SCHIP1: variants seen among roughly 807,000 people sequenced by gnomAD.
SCHIP1 encodes schwannomin-interacting protein 1.
SCHIP1 carries 8 observed loss-of-function variants against 29.7 expected under a neutral mutation model. The ratio of observed to expected loss-of-function variants is 0.27; its 90% CI spans 0.16 to 0.49. The LOEUF is 0.49. SCHIP1 is among the 20% of genes least tolerant of loss of function. SCHIP1 has a pLI of 0.99. For synonymous variants in SCHIP1, 76 were observed against 94.9 expected, an observed-to-expected ratio of 0.80 and a Z score of 1.16; for missense variants, 193 against 294.6, an observed-to-expected ratio of 0.66 and a Z score of 2.52.
At chr3:159,510,885 G>T in the SCHIP1 span, among the ~76,000 whole-genome samples, 1 of 152,210 alleles carries the variant, frequency 6.6e-6, no homozygotes, top group Non-Finnish European at 1.5e-5. Context: ...CCTACTTGGG[G>T]GTGCCTCCCA....
chr3:159,443,576 T>C, the SCHIP1 span, among the ~76,000 whole-genome samples: 80 of 152,214 alleles, frequency 5.3e-4, no homozygotes, highest in African/African-American at 1.9e-3. Flanking sequence ...TGGTGCCATC[T>C]CGGCTTACTG....
At chr3:159,494,987 C>G in the SCHIP1 span, among the ~76,000 whole-genome samples, 4 of 152,274 alleles carry the variant, frequency 2.6e-5, no homozygotes, top group South Asian at 4.1e-4. Context: ...AGCATATAAA[C>G]AGAACCAATG....
chr3:159,615,594 T>C, the SCHIP1 span, among the ~76,000 whole-genome samples: 14 of 152,176 alleles, frequency 9.2e-5, no homozygotes, highest in African/African-American at 3.4e-4. Flanking sequence ...GACCCTTACC[T>C]GCCTCAGCCA....
At chr3:159,361,459 C>T in the SCHIP1 span, among the ~76,000 whole-genome samples, 1 of 151,872 alleles carries the variant, frequency 6.6e-6, no homozygotes, top group Admixed American at 6.6e-5. Context: ...AGATGAGATT[C>T]GAAAATAATT....
the SCHIP1 span, among the ~76,000 whole-genome samples, chr3:159,656,886 G>C: frequency 2.6e-5 from 4 of 152,114 alleles, no homozygotes; most frequent in Admixed American, 2.6e-4. Flanking sequence ...CAGGTCTTCT[G>C]ACTCCCCTCC....
the SCHIP1 span, among the ~76,000 whole-genome samples, chr3:159,492,532 G>A: frequency 7.9e-5 from 12 of 152,100 alleles, no homozygotes; most frequent in African/African-American, 2.7e-4. Flanking sequence ...GAAATGAAGC[G>A]AGAAGGGAAG....
chr3:159,540,265 C>T, the SCHIP1 span, among the ~76,000 whole-genome samples: 1 of 152,084 alleles, frequency 6.6e-6, no homozygotes, highest in African/African-American at 2.4e-5. Context: ...GGCTCAGTCA[C>T]TGCTAAGAGT....
the SCHIP1 span, among the ~76,000 whole-genome samples, chr3:159,421,594 G>T: frequency 6.6e-6 from 1 of 152,212 alleles, no homozygotes; most frequent in Non-Finnish European, 1.5e-5. Flanking sequence ...AATGCCAGGG[G>T]AGGTCTTTTC....
the SCHIP1 span, among the ~76,000 whole-genome samples, chr3:159,756,504 G>A: frequency 6.6e-6 from 1 of 152,184 alleles, no homozygotes; most frequent in Non-Finnish European, 1.5e-5. Context: ...CCCTAGGCTT[G>A]CAGGTCTATG....
chr3:159,392,071 G>A, the SCHIP1 span, among the ~76,000 whole-genome samples: 9 of 152,100 alleles, frequency 5.9e-5, no homozygotes, highest in African/African-American at 2.2e-4. Flanking sequence ...AAGACTTTTT[G>A]GTGTTTGTTT....
the SCHIP1 span, among the ~76,000 whole-genome samples, chr3:159,466,770 G>A: frequency 4.2e-4 from 64 of 152,190 alleles, no homozygotes; most frequent in African/African-American, 1.3e-3. Context: ...GGAGTGATGA[G>A]CATTACAACT....
the SCHIP1 span, among the ~76,000 whole-genome samples, chr3:159,496,581 C>A: frequency 6.6e-6 from 1 of 152,114 alleles, no homozygotes; most frequent in East Asian, 1.9e-4. Context: ...GTTAGAATGG[C>A]AATCATTAAA....
the SCHIP1 span, among the ~76,000 whole-genome samples, chr3:159,674,519 T>C: frequency 1.4e-5 from 2 of 147,672 alleles, no homozygotes; most frequent in Non-Finnish European, 3.0e-5. Context: ...AGGTTAGACA[T>C]GTGGCAGCGG....
chr3:159,684,329 G>A, the SCHIP1 span, among the ~76,000 whole-genome samples: 21 of 152,228 alleles, frequency 1.4e-4, no homozygotes, highest in Non-Finnish European at 3.1e-4. Context: ...CCTAATAAGG[G>A]CTCTGGCTTA....
At chr3:159,677,650 C>T in the SCHIP1 span, among the ~76,000 whole-genome samples, 2 of 152,302 alleles carry the variant, frequency 1.3e-5, no homozygotes, top group African/African-American at 4.8e-5. Context: ...TCCATCTGTA[C>T]CCCTGTCCTG....
the SCHIP1 span, among the ~76,000 whole-genome samples, chr3:159,714,366 T>A: frequency 6.6e-6 from 1 of 152,282 alleles, no homozygotes; most frequent in South Asian, 2.1e-4. Context: ...GGTACCGGGT[T>A]CACTGGGGCT....
chr3:159,551,115 G>T, the SCHIP1 span, among the ~76,000 whole-genome samples: 1 of 152,050 alleles, frequency 6.6e-6, no homozygotes, highest in African/African-American at 2.4e-5. Flanking sequence ...CAGATGGATG[G>T]CTAAACATTT....
the SCHIP1 span, among the ~76,000 whole-genome samples, chr3:159,651,750 A>T: frequency 6.6e-6 from 1 of 152,172 alleles, no homozygotes; most frequent in African/African-American, 2.4e-5. Flanking sequence ...GCATCAAGTA[A>T]GTTTGGAAGC....
At chr3:159,408,177 A>G in the SCHIP1 span, among the ~76,000 whole-genome samples, 1 of 152,074 alleles carries the variant, frequency 6.6e-6, no homozygotes, top group African/African-American at 2.4e-5. Context: ...AGGCACCTGT[A>G]GTAGCAGCTA....
Sources: gnomAD v4.1 joint callset for allele counts (sites outside exome capture counted in the v4.1 genomes callset) on GRCh38, gnomAD v4.1.1 for gene constraint, MANE v1.5 for transcripts, NCBI Gene and HGNC (gene_info 2026-07-23, HGNC 2026-07-21) for gene names.